The following TTC4 variants were observed in gnomAD, a reference collection of about 807,000 sequenced individuals.
The protein encoded by TTC4 is hsp70/Hsp90 co-chaperone CNS1 homolog.
Under a neutral mutation model 51.9 loss-of-function variants are expected in TTC4, and 36 were observed. That is an observed-to-expected ratio of 0.69 (90% CI 0.53 to 0.92). TTC4 has a LOEUF of 0.92. Ranked by LOEUF, TTC4 falls within the 40% of genes least tolerant of loss-of-function variation. The probability of loss-of-function intolerance (pLI) is 0.00; values close to 1 mark genes in which losing one functional copy is unlikely to be tolerated. For missense variants in TTC4, 399 were observed against 454.6 expected, an observed-to-expected ratio of 0.88 and a Z score of 1.11; for synonymous variants, 144 against 164.2, an observed-to-expected ratio of 0.88 and a Z score of 0.94.
At position 54,715,924 on chromosome 1, in the gene TTC4, C is replaced by G. The variant is rs1029413943; in HGVS notation, c.16C>G (p.Gln6Glu). 4 of 1,606,582 alleles carry G rather than the reference C, an allele frequency of 2.5e-6. No homozygotes were observed. Among genetic ancestry groups the G allele is most frequent in the Admixed American group, 3.4e-5 (2 of 59,310 alleles). ...GGCATCAGCTATGGAACAACCTGGGCAGGATCCCACCTCAGACGACGTCAT... is the reference window on the plus strand; with the variant it reads ...GGCATCAGCTATGGAACAACCTGGGGAGGATCCCACCTCAGACGACGTCAT... MEQPG[Q>E]DPTSDDVMDS... The change falls in exon 1 of 10, where the codon CAG becomes GAG. Residue 6 changes from glutamine to glutamate, a missense_variant. By Grantham distance (29) the Gln-to-Glu change is conservative. Transcript: ENST00000371281.
In TTC4 at chr1:54,718,280, C is replaced by T. The variant is rs138216340; in HGVS notation, c.391+627C>T. On this transcript the variant is annotated intron_variant, in intron 3 of 9. Transcript: ENST00000371281. ...CCTAGCTACTTGGGAGGCTGAGGCA[C>T]GAGGATCGCTCAAGGCTACAGGGAG... Among the ~76,000 whole-genome samples, 800 of 152,082 alleles carry T rather than the reference C, an allele frequency of 5.3e-3. 10 individuals are homozygous for T. The highest frequency in any genetic ancestry group is 0.019 in the African/African-American group (771 of 41,490).
intron 7 of TTC4, among the ~76,000 whole-genome samples, chr1:54,733,352 G>A (rs186709472): frequency 3.3e-5 from 5 of 151,688 alleles, no homozygotes; most frequent in Admixed American, 1.3e-4. Context: ...CCCGGAAGTC[G>A]AGGCTACAGT....
intron 3 of TTC4, among the ~76,000 whole-genome samples, chr1:54,720,547 A>G (rs775439582): frequency 6.6e-6 from 1 of 151,734 alleles, no homozygotes; most frequent in Non-Finnish European, 1.5e-5. Context: ...CACCACTTAA[A>G]ACAATATAGA....
chr1:54,722,610 C>A, intron 4 of TTC4, 65 bp from the exon 5 acceptor site: 9 of 1,591,844 alleles, frequency 5.7e-6, no homozygotes, highest in Non-Finnish European at 7.7e-6. Context: ...GATGGGAGAT[C>A]TTGCCCAAAG....
intron 3 of TTC4, among the ~76,000 whole-genome samples, chr1:54,720,493 G>GT (rs35285471): frequency 4.5e-3 from 574 of 127,150 alleles, no homozygotes; most frequent in African/African-American, 7.9e-3. Flanking sequence ...TAGATATTTA[G>GT]TTTTTTTTTT....
At chr1:54,716,084 C>G (rs928083833) in intron 1 of TTC4, 65 bp downstream of exon 1, 1 of 1,285,812 alleles carries the variant, frequency 7.8e-7, no homozygotes, top group Admixed American at 2.0e-5. Context: ...GGCACCCGGG[C>G]TCTGGGGCAC....
At chr1:54,729,886 AATTTTTGT>A (rs1229388093) in intron 6 of TTC4, among the ~76,000 whole-genome samples, 2 of 152,164 alleles carry the variant, frequency 1.3e-5, no homozygotes, top group African/African-American at 4.8e-5. Context: ...ATGCCCAGCT[AATTTTTGT>A]ATTTTTAGTA....
intron 5 of TTC4, among the ~76,000 whole-genome samples, chr1:54,727,093 TC>T (rs1011091975): frequency 6.6e-6 from 1 of 151,418 alleles, no homozygotes; most frequent in African/African-American, 2.4e-5. Flanking sequence ...GACTCACACT[TC>T]CCAATTTCAA....
At chr1:54,723,296 CAAT>C (rs1266693884) in intron 5 of TTC4, among the ~76,000 whole-genome samples, 1 of 152,166 alleles carries the variant, frequency 6.6e-6, no homozygotes, top group Non-Finnish European at 1.5e-5. Flanking sequence ...GCTTGTACAA[CAAT>C]GATTGTGCAT....
chr1:54,724,946 A>G (rs1257325894), intron 5 of TTC4, among the ~76,000 whole-genome samples: 1 of 152,214 alleles, frequency 6.6e-6, no homozygotes, highest in Non-Finnish European at 1.5e-5. Flanking sequence ...TTGGAACCTC[A>G]GTAAGAACAG....
intron 8 of TTC4, 79 bp downstream of exon 8, chr1:54,733,789 G>A: frequency 1.8e-5 from 17 of 919,940 alleles, no homozygotes; most frequent in Non-Finnish European, 2.7e-5. Flanking sequence ...GGGGGAAGCA[G>A]TCTGCTTTAT....
chr1:54,716,065 G>T (rs1645671435), intron 1 of TTC4, 46 bp downstream of exon 1: 3 of 1,473,358 alleles, frequency 2.0e-6, no homozygotes, highest in Non-Finnish European at 2.8e-6. Context: ...GCGTCGTCCG[G>T]ACTCGTGGGG....
rs1337315287 is a variant in TTC4 at position 54,741,695 on chromosome 1, G to C, written c.*182G>C. 1.6e-6 allele frequency: 1 copy of C among 606,176 alleles called. No individual in the cohort carries two copies. Among genetic ancestry groups the C allele is most frequent in the Non-Finnish European group, 2.9e-6 (1 of 343,128 alleles). The allele number at this position is 606,176 out of a possible 1,614,324, so 37.5% of individuals were successfully genotyped here. A position where few individuals can be genotyped will look rare whatever the true frequency, so the allele number is the denominator to read the frequency against. On this transcript the variant is annotated 3_prime_UTR_variant, in exon 10 of 10. Coordinates refer to ENST00000371281, the MANE Select transcript of TTC4 (RefSeq NM_004623.5). ...TCCCTAAACTGCAGCCTCTCTGGCTGGTCTTCACTTTCCTCAGTTGATATA... is the reference window on the plus strand; with the variant it reads ...TCCCTAAACTGCAGCCTCTCTGGCTCGTCTTCACTTTCCTCAGTTGATATA...
chr1:54,721,619 A>T (rs940924381), intron 4 of TTC4, among the ~76,000 whole-genome samples: 4 of 152,162 alleles, frequency 2.6e-5, no homozygotes, highest in African/African-American at 9.7e-5. Context: ...ATGTTCTCAG[A>T]TTATGTTTTC....
At chr1:54,727,068 A>AC (rs200940851) in intron 5 of TTC4, among the ~76,000 whole-genome samples, 7,934 of 150,922 alleles carry the variant, frequency 0.053, 516 homozygotes, top group African/African-American at 0.14. Flanking sequence ...AAAAAAAAAA[A>AC]AAACAAAATT....
chr1:54,732,459 AT>A (rs553266972), intron 7 of TTC4, among the ~76,000 whole-genome samples: 7,501 of 139,716 alleles, frequency 0.054, 428 homozygotes, highest in African/African-American at 0.14. Flanking sequence ...TTTTTTTGTA[AT>A]TTTTTTTTTT....
At chr1:54,733,810 A>T in intron 8 of TTC4, 100 bp downstream of exon 8, 1 of 786,806 alleles carries the variant, frequency 1.3e-6, no homozygotes. Context: ...TTTTTTGAAA[A>T]TTATAGTAAA....
chr1:54,730,146 TACATGTATTAAC>T (rs1362944810), intron 6 of TTC4, among the ~76,000 whole-genome samples: 1 of 152,246 alleles, frequency 6.6e-6, no homozygotes, highest in Non-Finnish European at 1.5e-5. Flanking sequence ...ACAATCTGTT[TACATGTATTAAC>T]ACGTTAAACA....
At chr1:54,719,424 T>G (rs1392965710) in intron 3 of TTC4, among the ~76,000 whole-genome samples, 1 of 148,846 alleles carries the variant, frequency 6.7e-6, no homozygotes, top group Non-Finnish European at 1.5e-5. Flanking sequence ...GCTTTCACAA[T>G]GTGTTCTGTG....
Sources: gnomAD v4.1 joint callset for allele counts (sites outside exome capture counted in the v4.1 genomes callset) on GRCh38, gnomAD v4.1.1 for gene constraint, MANE v1.5 for transcripts, NCBI Gene and HGNC (gene_info 2026-07-23, HGNC 2026-07-21) for gene names.